The following DLGAP2 variants were observed in gnomAD, a reference collection of about 807,000 sequenced individuals.
The protein encoded by DLGAP2 is disks large-associated protein 2.
Under a neutral mutation model 100.3 loss-of-function variants are expected in DLGAP2, and 26 were observed. The ratio of observed to expected loss-of-function variants is 0.26; its 90% CI spans 0.19 to 0.36. The LOEUF is 0.36. Ranked by LOEUF, DLGAP2 falls within the 10% of genes least tolerant of loss-of-function variation. The pLI, the probability that DLGAP2 is intolerant of heterozygous loss-of-function variation, is 1.00. For synonymous variants in DLGAP2, 886 were observed against 630.1 expected (o/e 1.41, Z -6.08); for missense variants, 1,858 against 1,453.2 (o/e 1.28, Z -4.53).
At chr8:1,012,812 C>T (rs1442784448) in intron 2 of DLGAP2, among the ~76,000 whole-genome samples, 1 of 151,356 alleles carries the variant, frequency 6.6e-6, no homozygotes, top group East Asian at 1.9e-4. Flanking sequence ...TCTGACCAGC[C>T]CCCTACTTTC....
At chr8:1,043,861 A>T (rs1008047211) in intron 2 of DLGAP2, among the ~76,000 whole-genome samples, 2 of 152,076 alleles carry the variant, frequency 1.3e-5, no homozygotes, top group African/African-American at 4.8e-5. Flanking sequence ...GAAGCAATCA[A>T]GAAGCAAGCG....
intron 2 of DLGAP2, among the ~76,000 whole-genome samples, chr8:1,211,598 A>G (rs180925459): frequency 1.3e-5 from 2 of 152,356 alleles, no homozygotes; most frequent in African/African-American, 2.4e-5. Context: ...ATTTGTGTCC[A>G]GGCACAGTGG....
rs532977223 is a variant in DLGAP2, at chr8:1,388,588, T to A, written c.107-112778T>A. On this transcript the variant is annotated intron_variant, in intron 3 of 14. Coordinates refer to ENST00000637795, the MANE Select transcript of DLGAP2 (RefSeq NM_001346810.2). Reference sequence around the variant, plus strand: ...GGGTGGGGAGGCACTGGTTCAGGTGTCAGGGCTGTGAGAGCAGAGGCCGTG... The same window carrying A: ...GGGTGGGGAGGCACTGGTTCAGGTGACAGGGCTGTGAGAGCAGAGGCCGTG... 5.2e-5 allele frequency among the ~76,000 whole-genome samples: 4 copies of A among 77,040 alleles called. 1 individual carries two copies. The highest frequency in any genetic ancestry group is 1.1e-4 in the Non-Finnish European group (4 of 36,212). 50.5% of individuals were successfully genotyped at this position (77,040 alleles called of 152,430 possible). A position where few individuals can be genotyped will look rare whatever the true frequency, so the allele number is the denominator to read the frequency against.
chr8:1,601,690 C>T (rs1003417869), intron 6 of DLGAP2, among the ~76,000 whole-genome samples: 2 of 152,150 alleles, frequency 1.3e-5, no homozygotes, highest in African/African-American at 4.8e-5. Context: ...CCACAAACGT[C>T]TCCATTATGA....
chr8:1,416,680 G>C (rs1381727832), intron 3 of DLGAP2, among the ~76,000 whole-genome samples: 2 of 152,104 alleles, frequency 1.3e-5, no homozygotes, highest in Non-Finnish European at 2.9e-5. Flanking sequence ...TCAATCCAAA[G>C]TGTCTATCAG....
intron 2 of DLGAP2, among the ~76,000 whole-genome samples, chr8:1,159,893 G>T (rs538171483): frequency 6.6e-6 from 1 of 152,330 alleles, no homozygotes; most frequent in African/African-American, 2.4e-5. Context: ...AGGAGGCATG[G>T]ACACCAGGCT....
chr8:1,555,999 T>C (rs2130542097), intron 5 of DLGAP2, among the ~76,000 whole-genome samples: 1 of 152,196 alleles, frequency 6.6e-6, no homozygotes, highest in East Asian at 1.9e-4. Context: ...GCATGCGCTG[T>C]TTTATCCAGG....
chr8:749,552 G>T (rs10481385), intron 1 of DLGAP2, among the ~76,000 whole-genome samples: 50 of 151,838 alleles, frequency 3.3e-4, no homozygotes. Flanking sequence ...TAATGTTCCC[G>T]TATGGAGTGT....
chr8:918,312 G>T (rs996334242), intron 2 of DLGAP2, among the ~76,000 whole-genome samples: 47 of 152,196 alleles, frequency 3.1e-4, no homozygotes, highest in African/African-American at 1.1e-3. Context: ...GCCAGTCAAG[G>T]CCCCTTAAAA....
At chr8:970,929 G>A (rs948762493) in intron 2 of DLGAP2, among the ~76,000 whole-genome samples, 7 of 152,148 alleles carry the variant, frequency 4.6e-5, no homozygotes, top group African/African-American at 1.4e-4. Flanking sequence ...TTTAAGTAAT[G>A]TGCATTATTT....
At chr8:1,129,908 G>A (rs765091838) in intron 2 of DLGAP2, among the ~76,000 whole-genome samples, 1 of 152,170 alleles carries the variant, frequency 6.6e-6, no homozygotes, top group Non-Finnish European at 1.5e-5. Flanking sequence ...TGGGAACGCT[G>A]ACTGTGAATT....
At chr8:1,352,887 G>C (rs1039825207) in intron 3 of DLGAP2, among the ~76,000 whole-genome samples, 5 of 152,212 alleles carry the variant, frequency 3.3e-5, no homozygotes, top group Admixed American at 2.0e-4. Flanking sequence ...AGGGCTGAGA[G>C]AGCCTGAGAA....
At chr8:1,365,747 C>T (rs1287452613) in intron 3 of DLGAP2, among the ~76,000 whole-genome samples, 1 of 152,202 alleles carries the variant, frequency 6.6e-6, no homozygotes, top group East Asian at 1.9e-4. Flanking sequence ...CCTGGGAGTT[C>T]TGAGGCCCAC....
intron 3 of DLGAP2, among the ~76,000 whole-genome samples, chr8:1,474,883 A>G (rs1397111968): frequency 6.6e-6 from 1 of 152,242 alleles, no homozygotes; most frequent in Non-Finnish European, 1.5e-5. Context: ...ATTACTAGGT[A>G]TATAGCCAAA....
chr8:1,392,989 A>G (rs138217272), intron 3 of DLGAP2, among the ~76,000 whole-genome samples: 1,431 of 82,426 alleles, frequency 0.017, 69 homozygotes, highest in African/African-American at 0.067. Flanking sequence ...CCGAGGCCTC[A>G]GGAAGGCATT....
chr8:1,341,703 G>A (rs777759755), intron 3 of DLGAP2, among the ~76,000 whole-genome samples: 6 of 152,192 alleles, frequency 3.9e-5, no homozygotes, highest in Non-Finnish European at 8.8e-5. Context: ...TGACCCTCTG[G>A]TGTCTCCCAT....
At chr8:1,165,647 G>A (rs4355799) in intron 2 of DLGAP2, among the ~76,000 whole-genome samples, 129,964 of 152,236 alleles carry the variant, frequency 0.85, 55,504 homozygotes, top group Admixed American at 0.88. Flanking sequence ...CATGATTTTC[G>A]TCTTTTTTAA....
At chr8:1,372,988 A>G (rs1347268562) in intron 3 of DLGAP2, among the ~76,000 whole-genome samples, 1 of 152,130 alleles carries the variant, frequency 6.6e-6, no homozygotes, top group Non-Finnish European at 1.5e-5. Flanking sequence ...GTGGCCACCT[A>G]TGCAAGATGA....
intron 2 of DLGAP2, among the ~76,000 whole-genome samples, chr8:1,175,730 T>A (rs1045222633): frequency 3.3e-5 from 5 of 152,216 alleles, no homozygotes; most frequent in African/African-American, 9.6e-5. Context: ...CTTGACCTGC[T>A]CTGTGTGAAT....
Sources: allele counts gnomAD v4.1 joint callset (sites outside exome capture counted in the v4.1 genomes callset), GRCh38; gene constraint gnomAD v4.1.1; transcripts MANE v1.5; gene names NCBI Gene and HGNC (gene_info 2026-07-23, HGNC 2026-07-21).